Variants in DIAPH2 observed in about 807,000 individuals in gnomAD.
DIAPH2 encodes the protein diaphanous related formin 2.
A neutral mutation model predicts 92.7 loss-of-function variants in DIAPH2; 35 were observed. The observed-to-expected ratio is 0.38, with a 90% CI of 0.29 to 0.50. The LOEUF (loss-of-function observed/expected upper bound fraction) is 0.50, where lower values mean the gene tolerates loss of function less well. Ranked by LOEUF, DIAPH2 falls within the 20% of genes least tolerant of loss-of-function variation. The pLI, the probability that DIAPH2 is intolerant of heterozygous loss-of-function variation, is 0.94. For synonymous variants in DIAPH2, 301 were observed against 280.4 expected, an observed-to-expected ratio of 1.07 and a Z score of -0.73; for missense variants, 701 against 819.5, an observed-to-expected ratio of 0.86 and a Z score of 1.77.
intron 1 of DIAPH2, among the ~76,000 whole-genome samples, chrX:96,689,092 GAAGAA>G (rs749800279): frequency 2.7e-5 from 3 of 109,775 alleles, no homozygotes; most frequent in Non-Finnish European, 5.7e-5. Flanking sequence ...GCTGAAGGCT[GAAGAA>G]AATAGGTGAG....
intron 4 of DIAPH2, among the ~76,000 whole-genome samples, chrX:96,859,175 A>G (rs978661780): frequency 7.2e-5 from 8 of 111,325 alleles, no homozygotes; most frequent in African/African-American, 2.6e-4. Context: ...GAAAAAGGTC[A>G]CATTCATAAT....
chrX:97,321,095 A>G (rs903362309), intron 23 of DIAPH2, among the ~76,000 whole-genome samples: 107 of 111,552 alleles, frequency 9.6e-4, no homozygotes, highest in Non-Finnish European at 1.9e-3. Context: ...CAATTCTTTA[A>G]TAGCTGGAGA....
chrX:97,023,766 T>C (rs1184091634), intron 17 of DIAPH2, among the ~76,000 whole-genome samples: 1 of 112,469 alleles, frequency 8.9e-6, no homozygotes, highest in Non-Finnish European at 1.9e-5. Flanking sequence ...AGGGAAAAGA[T>C]TATACCATGT....
intron 4 of DIAPH2, among the ~76,000 whole-genome samples, chrX:96,848,065 G>A (rs1395807204): frequency 9.2e-6 from 1 of 109,236 alleles, no homozygotes; most frequent in Non-Finnish European, 1.9e-5. Context: ...TTAGAGACAA[G>A]GTATTGCTCT....
At chrX:97,185,472 CACATATATATATATATATATATATATAT>C (rs2067590641) in intron 22 of DIAPH2, among the ~76,000 whole-genome samples, 1 of 7,179 alleles carries the variant, frequency 1.4e-4, no homozygotes, top group Non-Finnish European at 2.2e-4. Flanking sequence ...TATATATATA[CACATATATATATATATATATATATATAT>C]ATATATATAT....
intron 23 of DIAPH2, among the ~76,000 whole-genome samples, chrX:97,248,365 TGTA>T (rs1046926961): frequency 6.3e-5 from 7 of 111,576 alleles, no homozygotes; most frequent in African/African-American, 1.9e-4. Flanking sequence ...TTAAATAAAT[TGTA>T]GTAGATATCT....
chrX:97,515,331 C>T (rs749747459), intron 26 of DIAPH2, among the ~76,000 whole-genome samples: 56 of 112,815 alleles, frequency 5.0e-4, no homozygotes, highest in Non-Finnish European at 8.6e-4. Flanking sequence ...TGACCCCTTG[C>T]GCTTCCTGAG....
chrX:97,223,785 G>A (rs1221196438), intron 22 of DIAPH2, among the ~76,000 whole-genome samples: 2 of 111,597 alleles, frequency 1.8e-5, no homozygotes, highest in Non-Finnish European at 3.8e-5. Context: ...TTGTTTTGGG[G>A]TCAACTATGA....
At chrX:96,739,212 A>C (rs1286659551) in intron 3 of DIAPH2, among the ~76,000 whole-genome samples, 1 of 111,785 alleles carries the variant, frequency 8.9e-6, no homozygotes, top group African/African-American at 3.2e-5. Flanking sequence ...AGTTTGTTCT[A>C]TTAGCAACAT....
intron 4 of DIAPH2, among the ~76,000 whole-genome samples, chrX:96,789,883 A>G (rs1269472358): frequency 9.1e-6 from 1 of 110,380 alleles, no homozygotes; most frequent in Non-Finnish European, 1.9e-5. Context: ...GTTCCATATA[A>G]TATTATGTTG....
At chrX:97,125,940 G>C (rs1436986886) in intron 21 of DIAPH2, among the ~76,000 whole-genome samples, 1 of 111,664 alleles carries the variant, frequency 9.0e-6, no homozygotes, top group Non-Finnish European at 1.9e-5. Context: ...TTCAGCGCTA[G>C]AGCAGACAAA....
Position 97,301,166 on chromosome X carries a change from A to AG in DIAPH2, c.2845-46950_2845-46949insG, listed in dbSNP as rs1200563709. 4.7e-5 allele frequency among the ~76,000 whole-genome samples: 5 copies of AG among 105,975 alleles called. No homozygotes were observed. The Admixed American group carries it at 5.2e-4, about 11-fold the overall frequency. 92.0% of individuals were successfully genotyped at this position (105,975 alleles called of 115,157 possible). ...ACTCCGTCTCAAAAAAAAAAAAAAAAAAAAAGAAAATTTAAGTAATTGGAT... is the reference window on the plus strand; with the variant it reads ...ACTCCGTCTCAAAAAAAAAAAAAAAAGAAAAAGAAAATTTAAGTAATTGGAT... On this transcript the variant is annotated intron_variant, in intron 23 of 26. Transcript: ENST00000324765.
chrX:97,567,066 T>C (rs1409875954), intron 26 of DIAPH2, among the ~76,000 whole-genome samples: 1 of 111,621 alleles, frequency 9.0e-6, no homozygotes, highest in Non-Finnish European at 1.9e-5. Context: ...CTAAAACACA[T>C]AATAACTACA....
intron 24 of DIAPH2, among the ~76,000 whole-genome samples, chrX:97,360,806 C>T (rs73258356): frequency 2.1e-4 from 23 of 111,756 alleles, no homozygotes; most frequent in Non-Finnish European, 4.1e-4. Context: ...ATGACATCTA[C>T]GAGATATTAT....
intron 26 of DIAPH2, among the ~76,000 whole-genome samples, chrX:97,556,184 C>T (rs747129511): frequency 8.9e-4 from 100 of 111,736 alleles, no homozygotes; most frequent in African/African-American, 3.1e-3. Flanking sequence ...TGGAATTAAA[C>T]ATGCAGGGAG....
intron 26 of DIAPH2, among the ~76,000 whole-genome samples, chrX:97,571,757 A>T (rs537758005): frequency 8.9e-6 from 1 of 111,925 alleles, no homozygotes; most frequent in Admixed American, 9.6e-5. Context: ...TAAACTGCCA[A>T]CTGTTAAAAT....
At position 97,177,457 on chromosome X, in the gene DIAPH2, C is replaced by CT. The variant is rs763396557; in HGVS notation, c.2719+35665dup. Among the ~76,000 whole-genome samples, 320 of 111,259 alleles carry CT rather than the reference C, an allele frequency of 2.9e-3. 1 individual carries two copies. Among genetic ancestry groups the CT allele is most frequent in the Middle Eastern group, 0.018 (4 of 218 alleles). On this transcript the variant is annotated intron_variant, in intron 22 of 26. Coordinates refer to ENST00000324765, the MANE Select transcript of DIAPH2 (RefSeq NM_006729.5). ...TACTTTGCTGATTTCACTCACCAAA[C>CT]TTACTGACTTACCTGACTTCTGAAT...
At position 97,192,991 on chromosome X, in the gene DIAPH2, C is replaced by CTTTCTT. The variant is rs1243836614; in HGVS notation, c.2719+51212_2719+51217dup. Reference sequence around the variant, plus strand: ...CTTTTTCCTAAATAATACATTATTTCTTTCTTTTTCTTTTTCTTTTCTTTT... The same window carrying CTTTCTT: ...CTTTTTCCTAAATAATACATTATTTCTTTCTTTTTCTTTTTCTTTTTCTTTTCTTTT... On this transcript the variant is annotated intron_variant, in intron 22 of 26. Transcript: ENST00000324765. 3.8e-3 allele frequency among the ~76,000 whole-genome samples: 390 copies of CTTTCTT among 101,389 alleles called. 7 individuals carry two copies. The highest frequency in any genetic ancestry group is 0.014 in the African/African-American group (337 of 24,846). 88.0% of individuals were successfully genotyped at this position (101,389 alleles called of 115,157 possible).
chrX:96,772,490 A>G (rs1602494938), intron 4 of DIAPH2, among the ~76,000 whole-genome samples: 1 of 112,052 alleles, frequency 8.9e-6, no homozygotes, highest in Non-Finnish European at 1.9e-5. Context: ...TATTCATAAC[A>G]TTTAAAAATG....
Sources: gnomAD v4.1 joint callset for allele counts (sites outside exome capture counted in the v4.1 genomes callset) on GRCh38, gnomAD v4.1.1 for gene constraint, MANE v1.5 for transcripts, NCBI Gene and HGNC (gene_info 2026-07-23, HGNC 2026-07-21) for gene names.